SIRT7: variants seen among roughly 807,000 people sequenced by gnomAD.
SIRT7 encodes the protein NAD-dependent protein deacetylase sirtuin-7.
In SIRT7, 32 loss-of-function variants were observed where a neutral mutation model predicts 42.8. The ratio of observed to expected loss-of-function variants is 0.75; its 90% CI spans 0.56 to 1.00. The LOEUF (loss-of-function observed/expected upper bound fraction) is 1.00. Among genes scored for constraint, SIRT7 ranks in the 50% least tolerant of loss-of-function variants. The probability of loss-of-function intolerance (pLI) is 0.00; values close to 1 mark genes in which losing one functional copy is unlikely to be tolerated. For missense variants in SIRT7, 553 were observed against 572.2 expected, an observed-to-expected ratio of 0.97 and a Z score of 0.34; for synonymous variants, 297 against 245.2, an observed-to-expected ratio of 1.21 and a Z score of -1.97.
At chr17:81,914,743 A>C in intron 5 of SIRT7, 41 bp from the exon 6 acceptor site, 1 of 1,547,914 alleles carries the variant, frequency 6.5e-7, no homozygotes, top group Non-Finnish European at 8.9e-7. Context: ...GATGGCTGCC[A>C]GTGGTGGTGG....
In SIRT7 at chr17:81,912,608, CT is replaced by C; in HGVS notation, c.1010del (p.Gln337ArgfsTer46). ...GLEIPAYSRW[Q>X]DPIFSLATPL... ...GAGTCGCCAGTGAGAAAATGGGATC[CT>C]GCCACCTGCCAAAAAGGGAAAGCGG... is the stretch of plus-strand genomic sequence containing the variant. On this transcript the variant is annotated frameshift_variant, in exon 10 of 10. Transcript: ENST00000328666. LOFTEE classifies it high-confidence loss of function. 6.2e-7 allele frequency: 1 copy of C among 1,612,852 alleles called. No individual in the cohort carries two copies. The highest frequency in any genetic ancestry group is 8.5e-7 in the Non-Finnish European group (1 of 1,179,802).
Position 81,913,584 on chromosome 17 carries a change from G to A in SIRT7, c.1004+190C>T, listed in dbSNP as rs974323620. The A allele has an allele frequency of 5.4e-5, 32 of 591,614 alleles. No individual in the cohort carries two copies. The highest frequency in any genetic ancestry group is 5.4e-4 in the African/African-American group (29 of 53,796). 36.6% of individuals were successfully genotyped at this position (591,614 alleles called of 1,614,324 possible). ...TGTGTGTGCCACATCAGCCAGGGCA[G>A]GAGTGGCACACGCAGGGTCTCCGCC... On this transcript the variant is annotated intron_variant, in intron 9 of 9. Transcript: ENST00000328666. The surrounding 1 kb of genome is among the most constrained non-coding windows in gnomAD (Gnocchi z 5.0).
chr17:81,915,951 C>T, intron 3 of SIRT7: 1 of 472,856 alleles, frequency 2.1e-6, no homozygotes, highest in South Asian at 2.0e-5. Flanking sequence ...GGAAGCCTCT[C>T]TGGCACCGAG....
intron 8 of SIRT7, 68 bp downstream of exon 8, chr17:81,914,019 G>T: frequency 1.3e-6 from 2 of 1,591,868 alleles, no homozygotes; most frequent in South Asian, 2.2e-5. Context: ...GTGCATGGGT[G>T]TGGGGTGTCT....
Position 81,915,531 on chromosome 17 carries a change from G to C in SIRT7, c.408-19C>G. The C allele has an allele frequency of 6.2e-7, 1 of 1,613,478 alleles. No homozygotes were observed. The highest frequency in any genetic ancestry group is 1.1e-5 in the South Asian group (1 of 90,960). ...GGCAGCACTGCCAGGCAGAAAGGAA[G>C]GCAAGGTGAGGAGAGCTGGAGCTCA... On this transcript the variant is annotated intron_variant, in intron 4 of 9. Coordinates refer to ENST00000328666, the MANE Select transcript of SIRT7 (RefSeq NM_016538.3).
rs778204773 is a variant in SIRT7, at chr17:81,917,934, G to A, written c.127C>T (p.Arg43Cys). The A allele has an allele frequency of 1.4e-6, 2 of 1,393,802 alleles. No homozygotes were observed. The highest frequency in any genetic ancestry group is 1.9e-6 in the Non-Finnish European group (2 of 1,075,174). The allele number at this position is 1,393,802 out of a possible 1,614,324, so 86.3% of individuals were successfully genotyped here. The change falls in exon 2 of 10, where the codon CGC (arginine) becomes TGC (cysteine). Residue 43 changes from arginine (R) to cysteine (C), a missense_variant. Arg to Cys is a radical substitution (Grantham distance 180, BLOSUM62 -3). Transcript: ENST00000328666. Reference protein sequence around the residue: ...SRILRKAAAERSAEEGRLLAE... With the variant: ...SRILRKAAAECSAEEGRLLAE... ...AGCAGCCGGCCCTCCTCGGCGCTGC[G>A]CTCCGCCGCCGCCTTCCTCAGGATG... is the stretch of plus-strand genomic sequence containing the variant.
rs2040761044 is a variant in SIRT7, at chr17:81,914,709, G to T, written c.481-7C>A. 6.2e-7 allele frequency: 1 copy of T among 1,611,146 alleles called. No individual in the cohort carries two copies. The highest frequency in any genetic ancestry group is 8.5e-7 in the Non-Finnish European group (1 of 1,179,180). On this transcript the variant is annotated splice_region_variant and splice_polypyrimidine_tract_variant and intron_variant, in intron 5 of 9. Transcript: ENST00000328666. Reference sequence around the variant, plus strand: ...GAGACACCACATGCTGCACCTGGAAGGCAGAACGGGTGGCAAGGGGAGGGA... The same window carrying T: ...GAGACACCACATGCTGCACCTGGAATGCAGAACGGGTGGCAAGGGGAGGGA...
At position 81,914,481 on chromosome 17, in the gene SIRT7, A is replaced by G; in HGVS notation, c.629T>C (p.Val210Ala). The G allele has an allele frequency of 6.2e-7, 1 of 1,613,138 alleles. No homozygotes were observed. The highest frequency in any genetic ancestry group is 8.5e-7 in the Non-Finnish European group (1 of 1,180,010). Reference protein sequence around the residue: ...PNREYVRVFDVTERTALHRHQ... With the variant: ...PNREYVRVFDATERTALHRHQ... ...TCTGTGGAGGGCAGTGCGCTCCGTC[A>G]CATCGAACACCCGCACGTACTCCCT... Residue 210 changes from valine to alanine, a missense_variant, in exon 7 of 10, where the codon GTG (valine) becomes GCG (alanine). Coordinates refer to ENST00000328666, the MANE Select transcript of SIRT7 (RefSeq NM_016538.3).
intron 3 of SIRT7, chr17:81,916,833 A>G (rs2040813689): frequency 6.6e-6 from 1 of 152,170 alleles, no homozygotes; most frequent in Non-Finnish European, 1.5e-5. Flanking sequence ...TATTTGAGTC[A>G]GTAGTGAACT....
In SIRT7 at chr17:81,918,031, C is replaced by A. The variant is rs2040840777; in HGVS notation, c.93+8G>T. 2.7e-6 allele frequency: 4 copies of A among 1,465,786 alleles called. No individual in the cohort carries two copies. Among genetic ancestry groups the A allele is most frequent in the Non-Finnish European group, 3.6e-6 (4 of 1,116,596 alleles). The allele number at this position is 1,465,786 out of a possible 1,614,324, so 90.8% of individuals were successfully genotyped here. ...GCATGGCCGGGCCGGGGAGCGGCGG[C>A]GGCGTACCTGGCGGAGGCGCTCCCT... On this transcript the variant is annotated splice_region_variant and intron_variant, in intron 1 of 9. Coordinates refer to ENST00000328666, the MANE Select transcript of SIRT7 (RefSeq NM_016538.3).
At chr17:81,914,874 C>T in intron 5 of SIRT7, 172 bp from the exon 6 acceptor site, 1 of 611,228 alleles carries the variant, frequency 1.6e-6, no homozygotes, top group Non-Finnish European at 2.9e-6. Context: ...GGTCCAACCA[C>T]CAGGAGTCAA....
intron 3 of SIRT7, 79 bp downstream of exon 3, chr17:81,917,536 A>G: frequency 7.9e-7 from 1 of 1,265,260 alleles, no homozygotes; most frequent in South Asian, 1.7e-5. Flanking sequence ...AAAACCTTAG[A>G]GCTGCTTTAA....
Position 81,912,562 on chromosome 17 carries a change from C to A in SIRT7, c.1057G>T (p.Gly353Cys), listed in dbSNP as rs758544996. Residue 353 changes from glycine (G) to cysteine (C), a missense_variant, in exon 10 of 10, where the codon GGC becomes TGC. Gly to Cys is a radical substitution (Grantham distance 159). Transcript: ENST00000328666. ...CACAGCGACTTCCGACTGTGGCTGC[C>A]TTCTTCACCAGCACGCAGGGGAGTC... ...LATPLRAGEE[G>C]SHSRKSLCRS... 6.2e-7 allele frequency: 1 copy of A among 1,613,736 alleles called. No individual in the cohort carries two copies.
rs747674461 is a variant in SIRT7, at chr17:81,914,631, G to C, written c.552C>G (p.Ser184=). Residue 184 remains serine (S), a synonymous_variant, in exon 6 of 10, where the codon TCC becomes TCG. Coordinates refer to ENST00000328666, the MANE Select transcript of SIRT7 (RefSeq NM_016538.3). ...LRSGLPRTAI[S]ELHGNMYIEV... is the part of the protein sequence containing the mutation. ...CAATGTACATGTTCCCGTGGAGCTC[G>C]GAGATGGCCGTGCGCGGCAGCCCAC... 4 of 1,613,022 alleles carry C rather than the reference G, an allele frequency of 2.5e-6. No individual in the cohort carries two copies. The African/African-American group carries it at 5.3e-5, about 22-fold the overall frequency.
chr17:81,912,839 T>G, intron 9 of SIRT7: 1 of 599,570 alleles, frequency 1.7e-6, no homozygotes, highest in South Asian at 1.9e-5. Flanking sequence ...GCACCCACAC[T>G]AGCTCGGTCT....
Position 81,912,387 on chromosome 17 carries a change from G to A in SIRT7, c.*29C>T. Reference sequence around the variant, plus strand: ...CACCGTGACACTGGCCATCTGCAAAGTGCCAACTGTTCTTCATCGAGCACG... The same window carrying A: ...CACCGTGACACTGGCCATCTGCAAAATGCCAACTGTTCTTCATCGAGCACG... On this transcript the variant is annotated 3_prime_UTR_variant, in exon 10 of 10. Transcript: ENST00000328666. 1 of 1,613,922 alleles carries A rather than the reference G, an allele frequency of 6.2e-7. No individual in the cohort carries two copies. The highest frequency in any genetic ancestry group is 8.5e-7 in the Non-Finnish European group (1 of 1,179,914).
At position 81,915,690 on chromosome 17, in the gene SIRT7, C is replaced by T. The variant is rs200443243; in HGVS notation, c.337-9G>A. The T allele has an allele frequency of 1.5e-4, 245 of 1,613,396 alleles. 2 individuals are homozygous for T. The South Asian group carries it at 2.4e-3, about 16-fold the overall frequency. ...TCTGGGATAGACGCTGCCTGCATGT[C>T]GAGAAAAAAGGTAAGCCAAGTCAAA... On this transcript the variant is annotated splice_polypyrimidine_tract_variant and intron_variant, in intron 3 of 9. Coordinates refer to ENST00000328666, the MANE Select transcript of SIRT7 (RefSeq NM_016538.3).
chr17:81,914,036 G>A (rs963972666), intron 8 of SIRT7, 51 bp downstream of exon 8: 1 of 1,604,022 alleles, frequency 6.2e-7, no homozygotes, highest in East Asian at 2.2e-5. Flanking sequence ...GTCTCTGGCT[G>A]TGCGTTCTAA....
rs889308731 is a variant in SIRT7, at chr17:81,911,979, T to C, written c.*437A>G. On this transcript the variant is annotated 3_prime_UTR_variant, in exon 10 of 10. Coordinates refer to ENST00000328666, the MANE Select transcript of SIRT7 (RefSeq NM_016538.3). ...TTTAATAGAAATAAAAAGGTCTGCA[T>C]AGAGCCGAGGCTCGGAGCCACCCCT... 1.3e-5 allele frequency: 3 copies of C among 229,792 alleles called. No individual in the cohort carries two copies. The highest frequency in any genetic ancestry group is 1.8e-5 in the Non-Finnish European group (2 of 113,780). 14.2% of individuals were successfully genotyped at this position (229,792 alleles called of 1,614,324 possible).
Sources: allele counts gnomAD v4.1 joint callset, GRCh38; gene constraint gnomAD v4.1.1; non-coding constraint Gnocchi (gnomAD v3.1); transcripts MANE v1.5; gene names NCBI Gene and HGNC (gene_info 2026-07-23, HGNC 2026-07-21).